Variants in TACC1 observed in about 807,000 individuals in gnomAD.
TACC1 encodes transforming acidic coiled-coil containing protein 1, also known as transforming acidic coiled-coil-containing protein 1.
A neutral mutation model predicts 84.4 loss-of-function variants in TACC1; 48 were observed. The ratio of observed to expected loss-of-function variants is 0.57; its 90% confidence interval spans 0.45 to 0.72. The LOEUF (loss-of-function observed/expected upper bound fraction) is 0.72, where lower values mean the gene tolerates loss of function less well. Ranked by LOEUF, TACC1 falls within the 30% of genes least tolerant of loss-of-function variation. The probability of loss-of-function intolerance (pLI) is 0.00; values close to 1 mark genes in which losing one functional copy is unlikely to be tolerated. For synonymous variants in TACC1, 372 were observed against 376.3 expected (o/e 0.99, Z 0.13); for missense variants, 920 against 973.0 (o/e 0.95, Z 0.72).
At chr8:38,836,431 G>A (rs1255633720) in intron 7 of TACC1, 144 bp downstream of exon 7, 11 of 1,096,268 alleles carry the variant, frequency 1.0e-5, no homozygotes, top group Non-Finnish European at 1.4e-5. Flanking sequence ...TCGTAAAAGG[G>A]CCCCCTGTGG....
rs757654482 is a variant in TACC1, at chr8:38,823,973, TTTTG to T, written c.1392-1332_1392-1329del. On this transcript the variant is annotated intron_variant, in intron 3 of 12. Coordinates refer to ENST00000317827, the MANE Select transcript of TACC1 (RefSeq NM_006283.3). The stretch of plus-strand genomic sequence containing the variant: ...CTGTCTGTCTCTTTCCTGTCTCTAA[TTTTG>T]TTGGTGCATCAGGACTACTGAACAA... The T allele has an allele frequency of 3.7e-6, 5 of 1,351,482 alleles. No homozygotes were observed. In the South Asian group the frequency reaches 4.5e-5, roughly 12 times the overall value. 83.7% of individuals were successfully genotyped at this position (1,351,482 alleles called of 1,614,324 possible).
Position 38,851,746 on chromosome 8 carries a change from T to C in TACC1, c.*3723T>C. On this transcript the variant is annotated 3_prime_UTR_variant, in exon 13 of 13. Transcript: ENST00000317827. ...AACTAGGTTTTGAAAGATTACATGA[T>C]TCAAGCGAGGGATTTTAAAGTAAAG... 1 of 332,366 alleles carries C rather than the reference T, an allele frequency of 3.0e-6. No individual in the cohort carries two copies. 20.6% of individuals were successfully genotyped at this position (332,366 alleles called of 1,614,324 possible). A position where few individuals can be genotyped will look rare whatever the true frequency, so the allele number is the denominator to read the frequency against.
intron 2 of TACC1, among the ~76,000 whole-genome samples, chr8:38,805,144 T>C (rs1226356533): frequency 1.3e-5 from 2 of 152,200 alleles, no homozygotes; most frequent in African/African-American, 4.8e-5. Flanking sequence ...AGCTGTTTCC[T>C]TTCCTCCCTG....
At chr8:38,742,176 G>A (rs2151682467) in intron 1 of TACC1, among the ~76,000 whole-genome samples, 1 of 151,718 alleles carries the variant, frequency 6.6e-6, no homozygotes, top group South Asian at 2.1e-4. Context: ...ACTTTTTTTT[G>A]CCAGAATTTG....
intron 2 of TACC1, among the ~76,000 whole-genome samples, chr8:38,793,301 G>A (rs1209330642): frequency 6.6e-6 from 1 of 152,138 alleles, no homozygotes; most frequent in African/African-American, 2.4e-5. Context: ...CACAATTTTG[G>A]TAGTCTCGAT....
chr8:38,848,246 C>A lies in TACC1; in HGVS notation c.*223C>A. On this transcript the variant is annotated 3_prime_UTR_variant, in exon 13 of 13. Coordinates refer to ENST00000317827, the MANE Select transcript of TACC1 (RefSeq NM_006283.3). ...TAGAAAGGAGTGTGACCTGACAGTG[C>A]TGGAGCCTCCTAGTTTCCCCCTATG... 2.6e-6 allele frequency: 1 copy of A among 386,224 alleles called. No individual in the cohort carries two copies. The highest frequency in any genetic ancestry group is 4.6e-6 in the Non-Finnish European group (1 of 217,278). The allele number at this position is 386,224 out of a possible 1,614,324, so 23.9% of individuals were successfully genotyped here.
At position 38,754,248 on chromosome 8, in the gene TACC1, G is replaced by A. The variant is rs190461987; in HGVS notation, c.26+8755G>A. Among the ~76,000 whole-genome samples, 17 of 152,198 alleles carry A rather than the reference G, an allele frequency of 1.1e-4. 1 individual carries two copies. The East Asian group carries it at 2.1e-3, about 19-fold the overall frequency. ...ATTACAGGTGTGAGCCACCGCGCCCGGCCTTTTTCCTTTACTTTCAACCAT... is the reference window on the plus strand; with the variant it reads ...ATTACAGGTGTGAGCCACCGCGCCCAGCCTTTTTCCTTTACTTTCAACCAT... On this transcript the variant is annotated intron_variant, in intron 3 of 14. Coordinates refer to the TACC1 transcript ENST00000518415.
At position 38,836,150 on chromosome 8, in the gene TACC1, C is replaced by T. The variant is rs1469324508; in HGVS notation, c.1714-12C>T. The T allele has an allele frequency of 6.2e-7, 1 of 1,612,504 alleles. No individual in the cohort carries two copies. Among genetic ancestry groups the T allele is most frequent in the East Asian group, 2.2e-5 (1 of 44,862 alleles). On this transcript the variant is annotated splice_polypyrimidine_tract_variant and intron_variant, in intron 6 of 12. Transcript: ENST00000317827. The stretch of plus-strand genomic sequence containing the variant: ...AAAGCTGACAGATTCAGTGTAATCC[C>T]TTTCCCCACAGGGGCTGCTGGAGTC...
chr8:38,830,689 A>G (rs1229312176), intron 5 of TACC1, among the ~76,000 whole-genome samples: 1 of 152,210 alleles, frequency 6.6e-6, no homozygotes, highest in Non-Finnish European at 1.5e-5. Context: ...CTTGAATTTT[A>G]AAGCTTATTA....
intron 2 of TACC1, among the ~76,000 whole-genome samples, chr8:38,742,680 A>G (rs1337398479): frequency 6.6e-6 from 1 of 152,188 alleles, no homozygotes; most frequent in Non-Finnish European, 1.5e-5. Context: ...CTTCTGCTGC[A>G]TAGAATATAT....
chr8:38,835,458 G>A (rs549798802), intron 6 of TACC1, among the ~76,000 whole-genome samples: 7 of 152,310 alleles, frequency 4.6e-5, no homozygotes, highest in African/African-American at 1.7e-4. Flanking sequence ...AGAAGGGAGT[G>A]GAAAACTTAG....
intron 2 of TACC1, among the ~76,000 whole-genome samples, chr8:38,812,642 G>A (rs1006904334): frequency 2.6e-5 from 4 of 152,162 alleles, no homozygotes; most frequent in Non-Finnish European, 5.9e-5. Context: ...ATATAAACCT[G>A]AGTATATTCT....
At chr8:38,787,981 C>A in intron 1 of TACC1, 3 of 511,118 alleles carry the variant, frequency 5.9e-6, no homozygotes, top group Non-Finnish European at 1.0e-5. Context: ...AATCTGCAGT[C>A]TCTCCGCATC....
chr8:38,781,127 C>A (rs1428159171), intron 3 of TACC1, among the ~76,000 whole-genome samples: 1 of 152,102 alleles, frequency 6.6e-6, no homozygotes, highest in Non-Finnish European at 1.5e-5. Context: ...CCTTTCACTG[C>A]CCCTTCCAAC....
intron 2 of TACC1, among the ~76,000 whole-genome samples, chr8:38,798,732 C>T (rs13252897): frequency 0.36 from 54,189 of 151,570 alleles, 10,004 homozygotes; most frequent in Non-Finnish European, 0.42. Flanking sequence ...CTCAGAATCC[C>T]GCTGACCCAC....
intron 7 of TACC1, among the ~76,000 whole-genome samples, chr8:38,836,865 T>G (rs869471): frequency 0.56 from 84,676 of 151,990 alleles, 23,717 homozygotes; most frequent in Middle Eastern, 0.59. Context: ...TGTGTGTTTG[T>G]TTTGTGTGTT....
chr8:38,741,760 C>T (rs199731835), intron 1 of TACC1, among the ~76,000 whole-genome samples: 1 of 152,040 alleles, frequency 6.6e-6, no homozygotes, highest in Admixed American at 6.6e-5. Context: ...TTAGATGAGA[C>T]CCAAAAAAAT....
chr8:38,843,282 G>A lies in TACC1; in HGVS notation c.2122-7G>A. 1 of 1,554,114 alleles carries A rather than the reference G, an allele frequency of 6.4e-7. No individual in the cohort carries two copies. The highest frequency in any genetic ancestry group is 1.7e-4 in the Middle Eastern group (1 of 5,840). ...CCTGTTTATTTTCAATTTTTGCTTT[G>A]GAACAGAATGAAGAAGCCTTGAAGA... On this transcript the variant is annotated splice_region_variant and splice_polypyrimidine_tract_variant and intron_variant, in intron 10 of 12. Coordinates refer to ENST00000317827, the MANE Select transcript of TACC1 (RefSeq NM_006283.3).
At chr8:38,743,111 T>C (rs1216510416) in intron 2 of TACC1, among the ~76,000 whole-genome samples, 1 of 152,234 alleles carries the variant, frequency 6.6e-6, no homozygotes, top group Admixed American at 6.5e-5. Flanking sequence ...TCTTATTTTT[T>C]ATTTTTCATT....
Sources: allele counts gnomAD v4.1 joint callset (sites outside exome capture counted in the v4.1 genomes callset), GRCh38; gene constraint gnomAD v4.1.1; transcripts MANE v1.5; gene names NCBI Gene and HGNC (gene_info 2026-07-23, HGNC 2026-07-21).